Variants in DNASE1 observed in about 807,000 individuals in gnomAD.
DNASE1 encodes deoxyribonuclease-1.
In DNASE1, 40 loss-of-function variants were observed where a neutral mutation model predicts 33.9. That is an observed-to-expected ratio of 1.18 (90% CI 0.92 to 1.54). The LOEUF is 1.54. DNASE1 is among the 40% of genes most tolerant of loss of function. DNASE1 has a pLI of 0.00. For synonymous variants in DNASE1, 216 were observed against 160.0 expected, an observed-to-expected ratio of 1.35 and a Z score of -2.64; for missense variants, 518 against 372.6, an observed-to-expected ratio of 1.39 and a Z score of -3.21.
At chr16:3,663,650 G>A in exon 10 of DNASE1, 2 of 1,556,962 alleles carry the variant, frequency 1.3e-6, no homozygotes, top group Non-Finnish European at 8.7e-7. Flanking sequence ...AGGGCTGGGG[G>A]AGCCAAGCGG....
chr16:3,664,186 G>A, exon 10 of DNASE1: 1 of 1,371,634 alleles, frequency 7.3e-7, no homozygotes, highest in South Asian at 1.6e-5. Context: ...CGGAGTCTTG[G>A]GCAGGTTCAC....
upstream of DNASE1, among the ~76,000 whole-genome samples, chr16:3,638,447 C>G (rs1282547522): frequency 1.3e-5 from 2 of 152,184 alleles, no homozygotes; most frequent in Admixed American, 6.5e-5. Flanking sequence ...ACGCCATTCT[C>G]CTGCCTCAGC....
At chr16:3,630,203 C>T (rs186690912) in intron 1 of DNASE1, among the ~76,000 whole-genome samples, 180 of 151,998 alleles carry the variant, frequency 1.2e-3, no homozygotes, top group African/African-American at 3.9e-3. Flanking sequence ...GTTTTTGAGA[C>T]GGGGTCTCAC....
rs572865598 is a variant in DNASE1 at position 3,658,028 on chromosome 16, A to G, written c.*75A>G. 1 of 1,610,472 alleles carries G rather than the reference A, an allele frequency of 6.2e-7. No individual in the cohort carries two copies. The stretch of plus-strand genomic sequence containing the variant: ...GCCACAGGACCCAGAAAAAAAGCCC[A>G]ACACACACTCGGGTTAAGAAATACC... On this transcript the variant is annotated 3_prime_UTR_variant, in exon 9 of 9. Coordinates refer to ENST00000246949, the MANE Select transcript of DNASE1 (RefSeq NM_005223.4).
At chr16:3,617,376 T>A (rs2041146398) in intron 1 of DNASE1, among the ~76,000 whole-genome samples, 1 of 146,544 alleles carries the variant, frequency 6.8e-6, no homozygotes, top group African/African-American at 2.7e-5. Flanking sequence ...GGTAAATCTT[T>A]ATGACCTTGG....
chr16:3,658,040 G>A lies in DNASE1; in HGVS notation c.*87G>A, dbSNP rs1170478657. On this transcript the variant is annotated 3_prime_UTR_variant, in exon 9 of 9. Coordinates refer to ENST00000246949, the MANE Select transcript of DNASE1 (RefSeq NM_005223.4). ...AGAAAAAAAGCCCAACACACACTCG[G>A]GTTAAGAAATACCTTTAAATTTAGG... 3.7e-6 allele frequency: 6 copies of A among 1,607,962 alleles called. No homozygotes were observed. Among genetic ancestry groups the A allele is most frequent in the Non-Finnish European group, 5.1e-6 (6 of 1,176,390 alleles).
chr16:3,649,901 GGT>G (rs1307259291), upstream of DNASE1, among the ~76,000 whole-genome samples: 1 of 151,688 alleles, frequency 6.6e-6, no homozygotes, highest in Non-Finnish European at 1.5e-5. Context: ...TTTATTTCTC[GGT>G]GTGTTTTCCC....
At chr16:3,662,692 G>C, downstream of DNASE1, 1 of 698,886 alleles carries the variant, frequency 1.4e-6, no homozygotes, top group Middle Eastern at 2.3e-4. Context: ...GAAAGACACG[G>C]CCTTCCTGCC....
chr16:3,627,116 T>C (rs2151170975), intron 1 of DNASE1, among the ~76,000 whole-genome samples: 1 of 151,842 alleles, frequency 6.6e-6, no homozygotes, highest in East Asian at 1.9e-4. Context: ...CCTCAAGTGA[T>C]CCTCCCATGT....
intron 1 of DNASE1, among the ~76,000 whole-genome samples, chr16:3,636,018 C>G (rs2041857540): frequency 6.6e-6 from 1 of 152,180 alleles, no homozygotes; most frequent in South Asian, 2.1e-4. Flanking sequence ...GTTTCAGATA[C>G]TTTTTCTGCT....
At chr16:3,631,114 C>T (rs963933355) in intron 1 of DNASE1, among the ~76,000 whole-genome samples, 3 of 152,036 alleles carry the variant, frequency 2.0e-5, no homozygotes, top group African/African-American at 7.3e-5. Context: ...CCTCCGCCTC[C>T]TGAGTTCAAG....
chr16:3,658,846 G>C (rs201862746), downstream of DNASE1: 1 of 1,614,068 alleles, frequency 6.2e-7, no homozygotes, highest in African/African-American at 1.3e-5. Flanking sequence ...AGCTGATTCA[G>C]CTTCTTGATG....
At position 3,629,654 on chromosome 16, in the gene DNASE1, A is replaced by G. The variant is rs914007132; in HGVS notation, c.-1358-11061A>G. Among the ~76,000 whole-genome samples, 4 of 152,196 alleles carry G rather than the reference A, an allele frequency of 2.6e-5. No homozygotes were observed. In the South Asian group the frequency reaches 6.2e-4, roughly 24 times the overall value. The stretch of plus-strand genomic sequence containing the variant: ...TGGAAAAGTTTTGAGAAGGGTTGGT[A>G]CTACTAGTTGTTGTTTAAATGTTTG... On this transcript the variant is annotated intron_variant and NMD_transcript_variant, in intron 1 of 11. Coordinates refer to the DNASE1 transcript ENST00000570769.
intron 1 of DNASE1, among the ~76,000 whole-genome samples, chr16:3,630,054 G>C (rs113842525): frequency 2.9e-4 from 44 of 152,276 alleles, no homozygotes; most frequent in African/African-American, 1.0e-3. Flanking sequence ...CCTAACCGCA[G>C]GTGATCTGCC....
chr16:3,646,219 G>A (rs370123781), intron 1 of DNASE1, among the ~76,000 whole-genome samples: 6 of 152,130 alleles, frequency 3.9e-5, no homozygotes, highest in African/African-American at 1.4e-4. Context: ...TTCTCTGGGG[G>A]GGGTCTGCGG....
downstream of DNASE1, chr16:3,662,530 C>T (rs1037141817): frequency 2.3e-5 from 12 of 532,012 alleles, no homozygotes; most frequent in South Asian, 1.8e-4. Flanking sequence ...CCAAAACCCC[C>T]GACTAAGCAC....
intron 1 of DNASE1, among the ~76,000 whole-genome samples, chr16:3,645,012 C>T (rs927749483): frequency 5.9e-5 from 9 of 151,950 alleles, no homozygotes; most frequent in African/African-American, 7.2e-5. Flanking sequence ...TGCCTGTGGT[C>T]GGTCCCAGCT....
exon 10 of DNASE1, chr16:3,663,516 A>T: frequency 6.2e-7 from 1 of 1,614,088 alleles, no homozygotes; most frequent in Non-Finnish European, 8.5e-7. Context: ...AAACTCACGA[A>T]GGTGCAGCAG....
At position 3,630,133 on chromosome 16, in the gene DNASE1, T is replaced by TTGTGTGTG. The variant is rs200194109; in HGVS notation, c.-1358-10568_-1358-10561dup. Reference sequence around the variant, plus strand: ...ACGCCCAGCCCTTGTTTGTTTTTTGTTGTGTGTGTGTGTGTGTGTGTTTGT... The same window carrying TTGTGTGTG: ...ACGCCCAGCCCTTGTTTGTTTTTTGTTGTGTGTGTGTGTGTGTGTGTGTGTGTGTTTGT... On this transcript the variant is annotated intron_variant and NMD_transcript_variant, in intron 1 of 11. Transcript: ENST00000570769. Among the ~76,000 whole-genome samples, 786 of 150,718 alleles carry TTGTGTGTG rather than the reference T, an allele frequency of 5.2e-3. 5 individuals carry two copies. The highest frequency in any genetic ancestry group is 0.018 in the African/African-American group (732 of 41,186).
Sources: gnomAD v4.1 joint callset for allele counts (sites outside exome capture counted in the v4.1 genomes callset) on GRCh38, gnomAD v4.1.1 for gene constraint, MANE v1.5 for transcripts, NCBI Gene and HGNC (gene_info 2026-07-23, HGNC 2026-07-21) for gene names.